VAPB: variants seen among roughly 807,000 people sequenced by gnomAD.
VAPB encodes the protein vesicle-associated membrane protein-associated protein B/C.
A neutral mutation model predicts 25.6 loss-of-function variants in VAPB; 7 were observed. That is an observed-to-expected ratio of 0.27 (90% confidence interval 0.16 to 0.51). The LOEUF is 0.51. Ranked by LOEUF, VAPB falls within the 20% of genes least tolerant of loss-of-function variation. VAPB has a pLI of 0.97. For synonymous variants in VAPB, 112 were observed against 109.2 expected (o/e 1.03, Z -0.16); for missense variants, 266 against 301.3 (o/e 0.88, Z 0.87).
chr20:58,408,641 C>T (rs1364329509), intron 1 of VAPB, among the ~76,000 whole-genome samples: 1 of 151,902 alleles, frequency 6.6e-6, no homozygotes, highest in East Asian at 1.9e-4. Flanking sequence ...AAAAAAACAC[C>T]ATAGAATAAT....
intron 2 of VAPB, among the ~76,000 whole-genome samples, chr20:58,430,161 T>G (rs1460247997): frequency 6.6e-6 from 1 of 150,784 alleles, no homozygotes; most frequent in Non-Finnish European, 1.5e-5. Context: ...TAATTACATG[T>G]TAACAGAGTA....
intron 1 of VAPB, among the ~76,000 whole-genome samples, chr20:58,393,658 A>G (rs756438572): frequency 2.0e-5 from 3 of 152,164 alleles, no homozygotes; most frequent in East Asian, 1.9e-4. Flanking sequence ...TCCCCCAGCA[A>G]TGATACTGTC....
intron 1 of VAPB, among the ~76,000 whole-genome samples, chr20:58,395,110 C>T (rs966345653): frequency 4.0e-5 from 6 of 151,026 alleles, no homozygotes; most frequent in Admixed American, 2.6e-4. Flanking sequence ...TTTTTAGAAC[C>T]GAAACTTGAA....
chr20:58,411,997 A>G (rs1218668148), intron 1 of VAPB, among the ~76,000 whole-genome samples: 1 of 152,148 alleles, frequency 6.6e-6, no homozygotes, highest in Non-Finnish European at 1.5e-5. Flanking sequence ...CATATTATTG[A>G]GTTTTAAGAG....
intron 1 of VAPB, among the ~76,000 whole-genome samples, chr20:58,412,135 A>G (rs2123046163): frequency 6.6e-6 from 1 of 152,078 alleles, no homozygotes; most frequent in Non-Finnish European, 1.5e-5. Flanking sequence ...CTAATCAGTT[A>G]TTTTTTTCAT....
rs1291121078 is a variant in VAPB, at chr20:58,450,497, C to G, written c.*6262C>G. The G allele has an allele frequency of 8.8e-6, 4 of 453,676 alleles. No homozygotes were observed. The highest frequency in any genetic ancestry group is 1.8e-5 in the Non-Finnish European group (4 of 226,740). 28.1% of individuals were successfully genotyped at this position (453,676 alleles called of 1,614,324 possible). The stretch of plus-strand genomic sequence containing the variant: ...ATATATTTGGTTCTCATTTCTGTTG[C>G]TGTCGTTTCCTTTTTAAAGACGATT... On this transcript the variant is annotated 3_prime_UTR_variant, in exon 6 of 6. Transcript: ENST00000475243.
At chr20:58,402,045 T>G (rs1443410614) in intron 1 of VAPB, among the ~76,000 whole-genome samples, 1 of 152,240 alleles carries the variant, frequency 6.6e-6, no homozygotes, top group Non-Finnish European at 1.5e-5. Context: ...CACCCTGATG[T>G]GGTTTTCAAA....
At position 58,445,279 on chromosome 20, in the gene VAPB, TC is replaced by T. The variant is rs762547623; in HGVS notation, c.*1046del. 1.8e-5 allele frequency: 8 copies of T among 454,294 alleles called. No homozygotes were observed. The East Asian group carries it at 3.5e-4, about 20-fold the overall frequency. The allele number at this position is 454,294 out of a possible 1,614,324, so 28.1% of individuals were successfully genotyped here. On this transcript the variant is annotated 3_prime_UTR_variant, in exon 6 of 6. Coordinates refer to ENST00000475243, the MANE Select transcript of VAPB (RefSeq NM_004738.5). ...CCACCTCTCAACCATTACTCACACTTCCAGCGCCCAGGTCCAAGTCTGAGCC... is the reference window on the plus strand; with the variant it reads ...CCACCTCTCAACCATTACTCACACTTCAGCGCCCAGGTCCAAGTCTGAGCC...
chr20:58,396,527 G>A (rs1378188864), intron 1 of VAPB, among the ~76,000 whole-genome samples: 1 of 152,136 alleles, frequency 6.6e-6, no homozygotes, highest in African/African-American at 2.4e-5. Flanking sequence ...CTTGTGATGT[G>A]GTTTAGAGCT....
At chr20:58,405,450 G>A (rs945985702) in intron 1 of VAPB, among the ~76,000 whole-genome samples, 1 of 123,814 alleles carries the variant, frequency 8.1e-6, no homozygotes, top group African/African-American at 3.0e-5. Flanking sequence ...ATCTGAGCAG[G>A]AGTTTATTTT....
chr20:58,418,037 T>C (rs1040315905), intron 1 of VAPB, among the ~76,000 whole-genome samples, 174 bp from the exon 2 acceptor site: 1 of 152,234 alleles, frequency 6.6e-6, no homozygotes, highest in Non-Finnish European at 1.5e-5. Flanking sequence ...ATGGTAAATA[T>C]TAGACGTTAC....
At chr20:58,390,925 A>G (rs1012582146) in intron 1 of VAPB, among the ~76,000 whole-genome samples, 2 of 152,214 alleles carry the variant, frequency 1.3e-5, no homozygotes, top group African/African-American at 4.8e-5. Flanking sequence ...ATAACTCTGA[A>G]TTTACAGAGA....
intron 1 of VAPB, among the ~76,000 whole-genome samples, chr20:58,402,946 A>G (rs1443676093): frequency 6.6e-6 from 1 of 152,300 alleles, no homozygotes; most frequent in Non-Finnish European, 1.5e-5. Flanking sequence ...TGGAAGCTGC[A>G]GTGAGTCAAA....
intron 1 of VAPB, among the ~76,000 whole-genome samples, chr20:58,406,232 C>T (rs1988227582): frequency 6.6e-6 from 1 of 152,150 alleles, no homozygotes; most frequent in Admixed American, 6.5e-5. Flanking sequence ...ATTGTTGTGA[C>T]ATAGAACAGT....
chr20:58,444,575 T>A lies in VAPB; in HGVS notation c.*340T>A. 1 of 466,770 alleles carries A rather than the reference T, an allele frequency of 2.1e-6. No homozygotes were observed. Among genetic ancestry groups the A allele is most frequent in the South Asian group, 1.5e-5 (1 of 64,584 alleles). The allele number at this position is 466,770 out of a possible 1,614,324, so 28.9% of individuals were successfully genotyped here. A position where few individuals can be genotyped will look rare whatever the true frequency, so the allele number is the denominator to read the frequency against. ...GTACATGATGCTGGATTACCTCTCT[T>A]AAAATGACACCCTTCCTCGCCTGTT... On this transcript the variant is annotated 3_prime_UTR_variant, in exon 6 of 6. Transcript: ENST00000475243.
At position 58,446,049 on chromosome 20, in the gene VAPB, T is replaced by A. The variant is rs1406698005; in HGVS notation, c.*1814T>A. ...AGTGGAAGTCTATGGTTGGTCTGAG[T>A]AAGTAACTTCCTGTCTTCATGAAAA... is the stretch of plus-strand genomic sequence containing the variant. On this transcript the variant is annotated 3_prime_UTR_variant, in exon 6 of 6. Transcript: ENST00000475243. The A allele has an allele frequency of 2.2e-6, 1 of 453,932 alleles. No individual in the cohort carries two copies. Among genetic ancestry groups the A allele is most frequent in the Non-Finnish European group, 4.4e-6 (1 of 226,806 alleles). 28.1% of individuals were successfully genotyped at this position (453,932 alleles called of 1,614,324 possible). A position where few individuals can be genotyped will look rare whatever the true frequency, so the allele number is the denominator to read the frequency against.
At chr20:58,390,093 T>A (rs1027529844) in intron 1 of VAPB, 16 of 152,376 alleles carry the variant, frequency 1.1e-4, no homozygotes, top group Non-Finnish European at 2.9e-5. Context: ...GCACACATTA[T>A]ACGCCTAGTA....
At position 58,446,357 on chromosome 20, in the gene VAPB, C is replaced by T. The variant is rs768257969; in HGVS notation, c.*2122C>T. 6.6e-6 allele frequency: 3 copies of T among 453,952 alleles called. No individual in the cohort carries two copies. Among genetic ancestry groups the T allele is most frequent in the South Asian group, 4.7e-5 (3 of 64,474 alleles). The allele number at this position is 453,952 out of a possible 1,614,324, so 28.1% of individuals were successfully genotyped here. A position where few individuals can be genotyped will look rare whatever the true frequency, so the allele number is the denominator to read the frequency against. On this transcript the variant is annotated 3_prime_UTR_variant, in exon 6 of 6. Coordinates refer to ENST00000475243, the MANE Select transcript of VAPB (RefSeq NM_004738.5). ...TCCTGTAGCTTCCAGGCCCTCATGT[C>T]TTTGATAGGAGAGTGCTTAGGTGGT...
At chr20:58,395,535 A>C (rs192993730) in intron 1 of VAPB, among the ~76,000 whole-genome samples, 2 of 152,204 alleles carry the variant, frequency 1.3e-5, no homozygotes, top group African/African-American at 4.8e-5. Flanking sequence ...ACAGCTTTCA[A>C]CTAGATGACA....
Sources: allele counts gnomAD v4.1 joint callset (sites outside exome capture counted in the v4.1 genomes callset), GRCh38; gene constraint gnomAD v4.1.1; transcripts MANE v1.5; gene names NCBI Gene and HGNC (gene_info 2026-07-23, HGNC 2026-07-21).